Variants in SUSD1 observed in about 807,000 individuals in gnomAD.
SUSD1 encodes sushi domain containing 1.
SUSD1 carries 65 observed loss-of-function variants against 86.9 expected under a neutral mutation model. The observed-to-expected ratio is 0.75, with a 90% CI of 0.61 to 0.92. The LOEUF (loss-of-function observed/expected upper bound fraction) is 0.92, where lower values mean the gene tolerates loss of function less well. Among genes scored for constraint, SUSD1 ranks in the 40% least tolerant of loss-of-function variants. The pLI is 0.00. For missense variants in SUSD1, 850 were observed against 929.7 expected, an observed-to-expected ratio of 0.91 and a Z score of 1.11; for synonymous variants, 346 against 350.0, an observed-to-expected ratio of 0.99 and a Z score of 0.13.
chr9:112,154,335 CAAA>C (rs887833151), intron 2 of SUSD1, among the ~76,000 whole-genome samples: 3 of 70,412 alleles, frequency 4.3e-5, no homozygotes, highest in Middle Eastern at 7.0e-3. Flanking sequence ...CACACACACA[CAAA>C]AAAAAAAAAA....
intron 3 of SUSD1, among the ~76,000 whole-genome samples, chr9:112,147,886 T>C (rs1270602055): frequency 6.6e-6 from 1 of 152,230 alleles, no homozygotes; most frequent in African/African-American, 2.4e-5. Context: ...CAAAATTTAA[T>C]ACTGTAACAT....
chr9:112,093,886 A>C (rs945208490), intron 10 of SUSD1, among the ~76,000 whole-genome samples: 4 of 152,186 alleles, frequency 2.6e-5, no homozygotes, highest in African/African-American at 9.7e-5. Context: ...AAGCTCTAAG[A>C]CATAGGCTTT....
At chr9:112,068,881 A>G (rs1290228714) in intron 12 of SUSD1, among the ~76,000 whole-genome samples, 2 of 152,090 alleles carry the variant, frequency 1.3e-5, no homozygotes, top group African/African-American at 4.8e-5. Context: ...ACAAACGGAA[A>G]CCTTGCTCAG....
intron 3 of SUSD1, among the ~76,000 whole-genome samples, chr9:112,144,348 T>C (rs1026079656): frequency 2.6e-5 from 4 of 151,892 alleles, no homozygotes; most frequent in Admixed American, 1.3e-4. Flanking sequence ...CTAAAATATA[T>C]CCAGTCACTA....
At chr9:112,166,846 A>G (rs1016500807) in intron 1 of SUSD1, among the ~76,000 whole-genome samples, 1 of 152,184 alleles carries the variant, frequency 6.6e-6, no homozygotes, top group African/African-American at 2.4e-5. Context: ...GTCTAGAATT[A>G]CTGGCAGAGA....
chr9:112,168,324 T>C (rs1363364850), intron 1 of SUSD1, among the ~76,000 whole-genome samples: 1 of 152,216 alleles, frequency 6.6e-6, no homozygotes, highest in African/African-American at 2.4e-5. Flanking sequence ...TGTCTACCCA[T>C]TGATGGGCTG....
intron 15 of SUSD1, among the ~76,000 whole-genome samples, chr9:112,048,846 T>C (rs543664452): frequency 4.6e-5 from 7 of 152,312 alleles, no homozygotes; most frequent in Admixed American, 1.3e-4. Context: ...CAAGTAATTA[T>C]ATGAGCAAGG....
At chr9:112,073,047 C>G (rs1158847857) in intron 12 of SUSD1, among the ~76,000 whole-genome samples, 3 of 152,166 alleles carry the variant, frequency 2.0e-5, no homozygotes, top group Non-Finnish European at 2.9e-5. Flanking sequence ...TAAAAGAAAC[C>G]AAGAGACCTA....
rs1159413662 is a variant in SUSD1, at chr9:112,152,922, T to C, written c.218-3523A>G. Among the ~76,000 whole-genome samples, 3 of 119,714 alleles carry C rather than the reference T, an allele frequency of 2.5e-5. No individual in the cohort carries two copies. The East Asian group carries it at 7.2e-4, about 29-fold the overall frequency. The allele number at this position is 119,714 out of a possible 152,430, so 78.5% of individuals were successfully genotyped here. A position where few individuals can be genotyped will look rare whatever the true frequency, so the allele number is the denominator to read the frequency against. ...GGTACCTGCCACCACACCTGGCTAA[T>C]TTTTTAATTGGAAAAAAAATGTTTT... On this transcript the variant is annotated intron_variant, in intron 2 of 16. Transcript: ENST00000374270.
intron 5 of SUSD1, among the ~76,000 whole-genome samples, chr9:112,128,835 A>G (rs1259556636): frequency 6.6e-6 from 1 of 152,226 alleles, no homozygotes; most frequent in Non-Finnish European, 1.5e-5. Context: ...AAAAGGGAAA[A>G]GCAACCTGCA....
chr9:112,145,338 G>A (rs1169163526), intron 3 of SUSD1, among the ~76,000 whole-genome samples: 1 of 144,636 alleles, frequency 6.9e-6, no homozygotes, highest in Non-Finnish European at 1.5e-5. Flanking sequence ...GGAGTGCAAT[G>A]GTGTGATCTT....
At chr9:112,098,712 CAGGTGCCT>C in intron 9 of SUSD1, 50 bp from the exon 10 acceptor site, 1 of 1,565,808 alleles carries the variant, frequency 6.4e-7, no homozygotes, top group Non-Finnish European at 8.8e-7. Flanking sequence ...CATTGACTAA[CAGGTGCCT>C]AGACTATTAG....
chr9:112,092,151 T>C (rs1321822902), intron 10 of SUSD1, among the ~76,000 whole-genome samples: 1 of 152,218 alleles, frequency 6.6e-6, no homozygotes, highest in Non-Finnish European at 1.5e-5. Flanking sequence ...AGGGAAACAA[T>C]ATTTAGAAAA....
intron 12 of SUSD1, among the ~76,000 whole-genome samples, chr9:112,076,758 G>A (rs149701887): frequency 2.6e-5 from 4 of 152,312 alleles, no homozygotes; most frequent in African/African-American, 9.6e-5. Flanking sequence ...GGTCATAAAA[G>A]TAGATGGAGC....
At chr9:112,055,255 G>A (rs1828397435) in intron 14 of SUSD1, among the ~76,000 whole-genome samples, 1 of 152,094 alleles carries the variant, frequency 6.6e-6, no homozygotes, top group African/African-American at 2.4e-5. Context: ...GCAAAATCCT[G>A]TCTCTATGAA....
intron 12 of SUSD1, among the ~76,000 whole-genome samples, chr9:112,068,699 C>CAA (rs200990357): frequency 1.2e-5 from 1 of 84,552 alleles, no homozygotes; most frequent in Admixed American, 1.1e-4. Context: ...GACCCTGTCT[C>CAA]AAAAAAAAAA....
chr9:112,108,459 A>G (rs1830938644), intron 8 of SUSD1, among the ~76,000 whole-genome samples: 1 of 152,208 alleles, frequency 6.6e-6, no homozygotes, highest in Admixed American at 6.5e-5. Flanking sequence ...TCAAGAATTT[A>G]GAAACAGAAC....
At chr9:112,140,986 A>G (rs1832538281) in intron 5 of SUSD1, among the ~76,000 whole-genome samples, 1 of 152,236 alleles carries the variant, frequency 6.6e-6, no homozygotes, top group Non-Finnish European at 1.5e-5. Flanking sequence ...ATACAGAATA[A>G]AAGATAAAAA....
At chr9:112,166,829 G>A (rs924282278) in intron 1 of SUSD1, among the ~76,000 whole-genome samples, 24 of 152,272 alleles carry the variant, frequency 1.6e-4, no homozygotes, top group South Asian at 2.1e-4. Flanking sequence ...GAGGGACCCC[G>A]AGGGATGTCT....
Sources: gnomAD v4.1 joint callset for allele counts (sites outside exome capture counted in the v4.1 genomes callset) on GRCh38, gnomAD v4.1.1 for gene constraint, MANE v1.5 for transcripts, NCBI Gene and HGNC (gene_info 2026-07-23, HGNC 2026-07-21) for gene names.